Variants in ZNF33B observed in about 807,000 individuals in gnomAD.
ZNF33B encodes zinc finger protein 11b (KOX 2).
Under a neutral mutation model 45.8 loss-of-function variants are expected in ZNF33B, and 29 were observed. The ratio of observed to expected loss-of-function variants is 0.63; its 90% confidence interval spans 0.47 to 0.86. ZNF33B has a LOEUF of 0.86. Ranked by LOEUF, ZNF33B falls within the 40% of genes least tolerant of loss-of-function variation. The probability of loss-of-function intolerance (pLI) is 0.00; values close to 1 mark genes in which losing one functional copy is unlikely to be tolerated. For synonymous variants in ZNF33B, 305 were observed against 307.8 expected (o/e 0.99, Z 0.10); for missense variants, 831 against 909.9 (o/e 0.91, Z 1.12).
intron 1 of ZNF33B, among the ~76,000 whole-genome samples, chr10:42,638,005 G>A (rs117902295): frequency 0.013 from 2,016 of 152,354 alleles, 28 homozygotes; most frequent in Middle Eastern, 0.082. Context: ...AGTTAGGACA[G>A]AGGAACAGCA....
In ZNF33B at chr10:42,592,500, A is replaced by C; in HGVS notation, c.*113T>G. 1 of 1,397,684 alleles carries C rather than the reference A, an allele frequency of 7.2e-7. No individual in the cohort carries two copies. Among genetic ancestry groups the C allele is most frequent in the Admixed American group, 2.2e-5 (1 of 44,510 alleles). The allele number at this position is 1,397,684 out of a possible 1,614,324, so 86.6% of individuals were successfully genotyped here. A position where few individuals can be genotyped will look rare whatever the true frequency, so the allele number is the denominator to read the frequency against. ...TGTTACTTTGGAGTAACATAAGGCG[A>C]GTTTGTGGATAGTTATTGAACATTC... On this transcript the variant is annotated 3_prime_UTR_variant, in exon 5 of 5. Transcript: ENST00000359467.
intron 1 of ZNF33B, chr10:42,581,482 A>G (rs563219012): frequency 1.5e-3 from 214 of 144,978 alleles, no homozygotes; most frequent in African/African-American, 5.4e-3. Context: ...AAAAAAAAAA[A>G]AAAAAAAGTG....
rs2132164682 is a variant in ZNF33B, at chr10:42,632,324, A to G, written c.125T>C (p.Leu42Pro). The change falls in exon 3 of 5, where the codon CTG becomes CCG. Residue 42 changes from leucine to proline, a missense_variant. Coordinates refer to ENST00000359467, the MANE Select transcript of ZNF33B (RefSeq NM_006955.3). ...TGAGACAAGGTTGCTGTAGTTCTCCAGCATCACATCTCTATACAGAGCCCT... is the reference window on the plus strand; with the variant it reads ...TGAGACAAGGTTGCTGTAGTTCTCCGGCATCACATCTCTATACAGAGCCCT... ...SQRALYRDVM[L>P]ENYSNLVSVG... 6.2e-7 allele frequency: 1 copy of G among 1,606,432 alleles called. No individual in the cohort carries two copies. The highest frequency in any genetic ancestry group is 8.5e-7 in the Non-Finnish European group (1 of 1,177,482).
At chr10:42,595,454 C>G (rs967271450) in intron 4 of ZNF33B, among the ~76,000 whole-genome samples, 1 of 152,080 alleles carries the variant, frequency 6.6e-6, no homozygotes, top group African/African-American at 2.4e-5. Context: ...ACTTGTAATT[C>G]AAGTCTTATT....
intron 4 of ZNF33B, among the ~76,000 whole-genome samples, chr10:42,604,183 G>A (rs1232395905): frequency 3.3e-5 from 5 of 152,196 alleles, no homozygotes; most frequent in Non-Finnish European, 7.3e-5. Context: ...AGTGGCTCAC[G>A]CCTGTAATCC....
At chr10:42,598,538 C>T (rs1337552546) in intron 4 of ZNF33B, among the ~76,000 whole-genome samples, 3 of 152,234 alleles carry the variant, frequency 2.0e-5, no homozygotes, top group Non-Finnish European at 2.9e-5. Flanking sequence ...GTCCATCAGA[C>T]TTCACATACA....
chr10:42,574,781 G>A (rs974480546), intron 1 of ZNF33B: 1 of 151,974 alleles, frequency 6.6e-6, no homozygotes, highest in Non-Finnish European at 1.5e-5. Context: ...GGGGTACAGT[G>A]GTTACGTCAA....
chr10:42,603,316 G>A (rs1299353765), intron 4 of ZNF33B, among the ~76,000 whole-genome samples: 1 of 152,204 alleles, frequency 6.6e-6, no homozygotes, highest in African/African-American at 2.4e-5. Flanking sequence ...CAGAGTTTGG[G>A]TGAGTGCAAG....
chr10:42,608,397 C>T (rs7092300), intron 4 of ZNF33B, among the ~76,000 whole-genome samples: 2,580 of 152,178 alleles, frequency 0.017, 77 homozygotes, highest in African/African-American at 0.059. Context: ...AACAGTGGAA[C>T]AGGTATTCTT....
At position 42,636,937 on chromosome 10, in the gene ZNF33B, G is replaced by C. The variant is rs755837782; in HGVS notation, c.-9C>G. 5.0e-6 allele frequency: 8 copies of C among 1,614,160 alleles called. No individual in the cohort carries two copies. The highest frequency in any genetic ancestry group is 6.8e-6 in the Non-Finnish European group (8 of 1,180,022). ...CAACTTACCTTGTTCATTTTGTTCTGTTCTTGGAAAGACGGAGACAACTCT... is the reference window on the plus strand; with the variant it reads ...CAACTTACCTTGTTCATTTTGTTCTCTTCTTGGAAAGACGGAGACAACTCT... On this transcript the variant is annotated 5_prime_UTR_variant, in exon 2 of 5. Transcript: ENST00000359467.
chr10:42,607,904 C>T (rs1837933818), intron 4 of ZNF33B, among the ~76,000 whole-genome samples: 1 of 152,004 alleles, frequency 6.6e-6, no homozygotes, highest in Admixed American at 6.6e-5. Flanking sequence ...TTTGAAAATC[C>T]AATCAAAAAG....
chr10:42,593,766 C>A lies in ZNF33B; in HGVS notation c.1184G>T (p.Ser395Ile), dbSNP rs758312251. The A allele has an allele frequency of 3.1e-6, 5 of 1,613,906 alleles. No homozygotes were observed. In the South Asian group the frequency reaches 5.5e-5, roughly 18 times the overall value. Residue 395 changes from serine to isoleucine, a missense_variant, in exon 5 of 5, where the codon AGC becomes ATC. Physicochemically the swap from Ser to Ile is moderately radical, Grantham distance 142. Transcript: ENST00000359467. ...FECNECGKAF[S>I]HKSALTLHQR... The stretch of plus-strand genomic sequence containing the variant: ...GTGTAATGTGAGGGCTGACTTATGG[C>A]TAAAGGCTTTCCCACATTCATTGCA...
chr10:42,637,060 C>T lies in ZNF33B; in HGVS notation c.-44-88G>A. On this transcript the variant is annotated intron_variant, in intron 1 of 4. Coordinates refer to ENST00000359467, the MANE Select transcript of ZNF33B (RefSeq NM_006955.3). ...CTTCTGCCCTAAGAAGCCATACACACCCACTAGGTAAAATGCTCCGTCTGG... is the reference window on the plus strand; with the variant it reads ...CTTCTGCCCTAAGAAGCCATACACATCCACTAGGTAAAATGCTCCGTCTGG... 3.9e-6 allele frequency: 5 copies of T among 1,279,164 alleles called. No homozygotes were observed. In the South Asian group the frequency reaches 6.4e-5, roughly 16 times the overall value. The allele number at this position is 1,279,164 out of a possible 1,614,324, so 79.2% of individuals were successfully genotyped here. A position where few individuals can be genotyped will look rare whatever the true frequency, so the allele number is the denominator to read the frequency against.
intron 2 of ZNF33B, among the ~76,000 whole-genome samples, chr10:42,633,088 TTG>T (rs1839130484): frequency 6.6e-6 from 1 of 152,222 alleles, no homozygotes; most frequent in African/African-American, 2.4e-5. Context: ...CAGAAATAAA[TTG>T]TCAGTACATT....
intron 4 of ZNF33B, among the ~76,000 whole-genome samples, chr10:42,600,841 T>A (rs158367): frequency 5.4e-4 from 83 of 152,306 alleles, no homozygotes; most frequent in South Asian, 8.3e-4. Context: ...TATTTTTGTA[T>A]AAAGTCAATA....
At chr10:42,622,843 A>T (rs1262641080) in intron 4 of ZNF33B, among the ~76,000 whole-genome samples, 1 of 152,240 alleles carries the variant, frequency 6.6e-6, no homozygotes, top group African/African-American at 2.4e-5. Flanking sequence ...GACTATACAC[A>T]AAAATGAACT....
intron 3 of ZNF33B, 77 bp from the exon 4 acceptor site, chr10:42,632,101 G>C: frequency 2.6e-6 from 4 of 1,527,302 alleles, no homozygotes; most frequent in South Asian, 2.3e-5. Context: ...GAAGCTTCTG[G>C]GGCTGCTTCA....
At chr10:42,610,037 C>T (rs1321394381) in intron 4 of ZNF33B, among the ~76,000 whole-genome samples, 12 of 151,876 alleles carry the variant, frequency 7.9e-5, no homozygotes, top group Admixed American at 7.2e-4. Flanking sequence ...ACACATCACA[C>T]AGCAGATTGT....
At chr10:42,585,035 T>C (rs970638969), downstream of ZNF33B, among the ~76,000 whole-genome samples, 1 of 152,148 alleles carries the variant, frequency 6.6e-6, no homozygotes. Flanking sequence ...CACGATGAAG[T>C]AGTAGTGTGA....
Sources: gnomAD v4.1 joint callset for allele counts (sites outside exome capture counted in the v4.1 genomes callset) on GRCh38, gnomAD v4.1.1 for gene constraint, MANE v1.5 for transcripts, NCBI Gene and HGNC (gene_info 2026-07-23, HGNC 2026-07-21) for gene names.